DCXR: variants seen among roughly 807,000 people sequenced by gnomAD.
DCXR encodes the protein L-xylulose reductase.
DCXR carries 24 observed loss-of-function variants against 25.9 expected under a neutral mutation model. The ratio of observed to expected loss-of-function variants is 0.93; its 90% confidence interval spans 0.67 to 1.30. The LOEUF (loss-of-function observed/expected upper bound fraction) is 1.30, where lower values mean the gene tolerates loss of function less well. DCXR is among the 50% of genes most tolerant of loss of function. The pLI is 0.00. For synonymous variants in DCXR, 161 were observed against 141.7 expected (o/e 1.14, Z -0.97); for missense variants, 348 against 333.7 (o/e 1.04, Z -0.33).
At chr17:82,036,500 G>T (rs768538061) in intron 5 of DCXR, 44 bp downstream of exon 5, 1 of 1,612,730 alleles carries the variant, frequency 6.2e-7, no homozygotes, top group South Asian at 1.1e-5. Flanking sequence ...ATGAGGGCGA[G>T]GCTGGGGCTG....
At position 82,037,004 on chromosome 17, in the gene DCXR, T is replaced by C; in HGVS notation, c.160A>G (p.Ile54Val). The C allele has an allele frequency of 6.4e-7, 1 of 1,563,256 alleles. No homozygotes were observed. Among genetic ancestry groups the C allele is most frequent in the Non-Finnish European group, 8.7e-7 (1 of 1,154,604 alleles). ...LDSLVRECPG[I>V]EPVCVDLGDW... is the part of the protein sequence containing the mutation. ...CCCAGGTCCACGCACACGGGTTCTA[T>C]CCCCGGGCACTGTGTGTATCAGGGG... Residue 54 changes from isoleucine to valine, a missense_variant, in exon 3 of 8, where the codon ATA (isoleucine) becomes GTA (valine). Coordinates refer to ENST00000306869, the MANE Select transcript of DCXR (RefSeq NM_016286.4).
intron 2 of DCXR, chr17:82,037,245 C>T (rs2043503017): frequency 1.2e-6 from 1 of 838,238 alleles, no homozygotes; most frequent in South Asian, 1.8e-5. Flanking sequence ...TCTTTCTGAG[C>T]CCGGGGGCCC....
In DCXR at chr17:82,036,437, C is replaced by T; in HGVS notation, c.460G>A (p.Gly154Ser). 6.2e-7 allele frequency: 1 copy of T among 1,613,498 alleles called. No individual in the cohort carries two copies. The change falls in exon 6 of 8, where the codon GGT (glycine) becomes AGT (serine). Residue 154 changes from glycine (G) to serine (S), a missense_variant. Gly to Ser is a moderately conservative substitution (Grantham distance 56, BLOSUM62 0). Coordinates refer to ENST00000306869, the MANE Select transcript of DCXR (RefSeq NM_016286.4). ...TNHSVYCSTK[G>S]ALDMLTKVMA... ...ACCTTGGTCAGCATGTCCAGGGCAC[C>T]CTTGGTGGAGCCTACGAAGAGGAAC...
At position 82,036,924 on chromosome 17, in the gene DCXR, C is replaced by A; in HGVS notation, c.240G>T (p.Leu80=). The change falls in exon 3 of 8, where the codon CTG becomes CTT. Residue 80 remains leucine (L), a synonymous_variant. Transcript: ENST00000306869. ...GCAGGGCGACAGCGGCGTTGTTCAC[C>A]AGCAGGTCCACGGGGCCCACGCTGC... ...ALGSVGPVDL[L]VNNAAVALLQ... The A allele has an allele frequency of 6.2e-7, 1 of 1,612,424 alleles. No homozygotes were observed. The highest frequency in any genetic ancestry group is 1.1e-5 in the South Asian group (1 of 90,950).
Position 82,036,247 on chromosome 17 carries a change from C to A in DCXR, c.575G>T (p.Ser192Ile). 6.2e-7 allele frequency: 1 copy of A among 1,613,684 alleles called. No homozygotes were observed. ...CATAGTCTTGGCCTTGTGGGGGTCACTCCAGGTGGCCTGGCCCATGGACGT... is the reference window on the plus strand; with the variant it reads ...CATAGTCTTGGCCTTGTGGGGGTCAATCCAGGTGGCCTGGCCCATGGACGT... ...VMTSMGQATW[S>I]DPHKAKTMLN... Residue 192 changes from serine (S) to isoleucine (I), a missense_variant, in exon 7 of 8, where the codon AGT (serine) becomes ATT (isoleucine). Transcript: ENST00000306869.
chr17:82,035,969 C>T lies in DCXR; in HGVS notation c.726G>A (p.Trp242Ter), dbSNP rs769992223. Residue 242 changes from tryptophan to a stop codon, truncating the protein, a stop_gained, in exon 8 of 8, where the codon TGG (tryptophan) becomes TGA (stop). Coordinates refer to ENST00000306869, the MANE Select transcript of DCXR (RefSeq NM_016286.4). LOFTEE classifies it high-confidence loss of function. Reference protein sequence around the residue: ...GSTLPVEGGFWAC With the variant: ...GSTLPVEGGF ...GGTGTGTGGAGGGAGCTCAGCAGGC[C>T]CAGAAGCCCCCTTCCACCGGCAAAG... is the stretch of plus-strand genomic sequence containing the variant. 3.7e-6 allele frequency: 6 copies of T among 1,612,642 alleles called. No individual in the cohort carries two copies. The Admixed American group carries it at 1.0e-4, about 27-fold the overall frequency.
Position 82,036,701 on chromosome 17 carries a change from C to T in DCXR, c.348+20G>A. ...GGCATCACTCACGAGAATTCCCGTC[C>T]AGCCCACAGGGCAGCTCACCTGCGA... On this transcript the variant is annotated intron_variant, in intron 4 of 7. Transcript: ENST00000306869. 4 of 1,613,616 alleles carry T rather than the reference C, an allele frequency of 2.5e-6. No individual in the cohort carries two copies. The highest frequency in any genetic ancestry group is 3.4e-6 in the Non-Finnish European group (4 of 1,180,014).
intron 2 of DCXR, chr17:82,037,247 CG>C: frequency 9.5e-6 from 8 of 843,612 alleles, no homozygotes; most frequent in Non-Finnish European, 1.1e-5. Context: ...TTTCTGAGCC[CG>C]GGGGCCCCGG....
chr17:82,036,169 G>GCTGGGCTCCCACCTGACT (rs2043488904), intron 7 of DCXR, 22 bp downstream of exon 7: 2 of 1,611,404 alleles, frequency 1.2e-6, no homozygotes, highest in African/African-American at 2.7e-5. Flanking sequence ...CACCACGCTG[G>GCTGGGCTCCCACCTGACT]CTGGGCTCCC....
intron 3 of DCXR, 21 bp downstream of exon 3, chr17:82,036,838 C>T (rs2043496977): frequency 1.2e-6 from 2 of 1,613,446 alleles, no homozygotes; most frequent in Non-Finnish European, 1.7e-6. Flanking sequence ...CCCTGAGGTT[C>T]CTCCGCCCTC....
chr17:82,037,101 CAAGT>C (rs1813776896), intron 2 of DCXR, 88 bp from the exon 3 acceptor site: 11 of 1,507,516 alleles, frequency 7.3e-6, no homozygotes, highest in Middle Eastern at 2.3e-4. Context: ...TTCAGCCGGA[CAAGT>C]AAAGGAGTTA....
At position 82,037,414 on chromosome 17, in the gene DCXR, C is replaced by A. The variant is rs573308125; in HGVS notation, c.150+36G>T. The A allele has an allele frequency of 4.8e-5, 73 of 1,512,958 alleles. No individual in the cohort carries two copies. In the East Asian group the frequency reaches 1.8e-3, roughly 37 times the overall value. The allele number at this position is 1,512,958 out of a possible 1,614,324, so 93.7% of individuals were successfully genotyped here. ...CGCTCGCTGCCGCCCCCTCCTGGCT[C>A]GCCGCCTCGCAGCGCTGGGACCCGG... On this transcript the variant is annotated intron_variant, in intron 2 of 7. Coordinates refer to ENST00000306869, the MANE Select transcript of DCXR (RefSeq NM_016286.4).
In DCXR at chr17:82,037,659, G is replaced by A. The variant is rs61744795; in HGVS notation, c.24C>T (p.Arg8=). 5,905 of 1,590,962 alleles carry A rather than the reference G, an allele frequency of 3.7e-3. 197 individuals carry two copies. In the African/African-American group the frequency reaches 0.071, roughly 19 times the overall value. MELFLAG[R]RVLVTGAGKG... ...TGCCTGCCCCGGTGACCAGCACCCG[G>A]CGGCCCGCGAGGAACAGCTCCATGT... Residue 8 remains arginine (R), a synonymous_variant, in exon 1 of 8, where the codon CGC becomes CGT. Transcript: ENST00000306869.
rs2144167815 is a variant in DCXR, at chr17:82,036,247, C to T, written c.575G>A (p.Ser192Asn). The T allele has an allele frequency of 2.5e-6, 4 of 1,613,684 alleles. No homozygotes were observed. The highest frequency in any genetic ancestry group is 3.4e-6 in the Non-Finnish European group (4 of 1,180,020). ...VMTSMGQATW[S>N]DPHKAKTMLN... The stretch of plus-strand genomic sequence containing the variant: ...CATAGTCTTGGCCTTGTGGGGGTCA[C>T]TCCAGGTGGCCTGGCCCATGGACGT... Residue 192 changes from serine (S) to asparagine (N), a missense_variant, in exon 7 of 8, where the codon AGT becomes AAT. By Grantham distance (46) the Ser-to-Asn change is conservative (BLOSUM62 1). Transcript: ENST00000306869.
In DCXR at chr17:82,036,761, G is replaced by A; in HGVS notation, c.308C>T (p.Ser103Phe). The A allele has an allele frequency of 6.2e-7, 1 of 1,613,622 alleles. No homozygotes were observed. Among genetic ancestry groups the A allele is most frequent in the South Asian group, 1.1e-5 (1 of 91,088 alleles). The change falls in exon 4 of 8, where the codon TCC (serine) becomes TTC (phenylalanine). Residue 103 changes from serine to phenylalanine, a missense_variant and splice_region_variant. Physicochemically the swap from Ser to Phe is radical, Grantham distance 155. Coordinates refer to ENST00000306869, the MANE Select transcript of DCXR (RefSeq NM_016286.4). ...LEVTKEAFDRSFEVNLRAVIQ... is the reference protein window; with the variant it reads ...LEVTKEAFDRFFEVNLRAVIQ... ...GACCGCACGCAGGTTCACCTCAAAG[G>A]ATCTAGAGGCCGAGGGACAGACCCT...
At chr17:82,037,230 C>T (rs2043502870) in intron 2 of DCXR, 3 of 834,582 alleles carry the variant, frequency 3.6e-6, no homozygotes, top group Admixed American at 5.8e-5. Flanking sequence ...GCAGCCATTT[C>T]GGCCTCTTTC....
At position 82,036,601 on chromosome 17, in the gene DCXR, T is replaced by C. The variant is rs1334725431; in HGVS notation, c.391A>G (p.Ile131Val). The C allele has an allele frequency of 1.2e-6, 2 of 1,613,134 alleles. No homozygotes were observed. Among genetic ancestry groups the C allele is most frequent in the Admixed American group, 1.7e-5 (1 of 60,022 alleles). Reference sequence around the variant, plus strand: ...GAGCACTGGCTGGAGACATTCACGATGGCCCCTGGGACTCCCCGGGCTATT... The same window carrying C: ...GAGCACTGGCTGGAGACATTCACGACGGCCCCTGGGACTCCCCGGGCTATT... ...GLIARGVPGA[I>V]VNVSSQCSQR... Residue 131 changes from isoleucine (I) to valine (V), a missense_variant, in exon 5 of 8, where the codon ATC becomes GTC. Coordinates refer to ENST00000306869, the MANE Select transcript of DCXR (RefSeq NM_016286.4).
Position 82,035,869 on chromosome 17 carries a change from T to TAGCA in DCXR, c.*87_*90dup. On this transcript the variant is annotated 3_prime_UTR_variant, in exon 8 of 8. Coordinates refer to ENST00000306869, the MANE Select transcript of DCXR (RefSeq NM_016286.4). The stretch of plus-strand genomic sequence containing the variant: ...CAGCTACCTGCTGGCAGCCTAGGAA[T>TAGCA]AGCACATAGTCTGGGCAGCAGAATC... 5 of 1,191,792 alleles carry TAGCA rather than the reference T, an allele frequency of 4.2e-6. No individual in the cohort carries two copies. Among genetic ancestry groups the TAGCA allele is most frequent in the Non-Finnish European group, 6.1e-6 (5 of 817,676 alleles). 73.8% of individuals were successfully genotyped at this position (1,191,792 alleles called of 1,614,324 possible). A position where few individuals can be genotyped will look rare whatever the true frequency, so the allele number is the denominator to read the frequency against.
Position 82,037,677 on chromosome 17 carries a change from C to G in DCXR, c.6G>C (p.Glu2Asp), listed in dbSNP as rs1157308235. The G allele has an allele frequency of 6.3e-7, 1 of 1,591,218 alleles. No homozygotes were observed. Among genetic ancestry groups the G allele is most frequent in the Non-Finnish European group, 8.5e-7 (1 of 1,176,414 alleles). The change falls in exon 1 of 8, where the codon GAG becomes GAC. Residue 2 changes from glutamate to aspartate, a missense_variant. Coordinates refer to ENST00000306869, the MANE Select transcript of DCXR (RefSeq NM_016286.4). Reference protein sequence around the residue: MELFLAGRRVLV... With the variant: MDLFLAGRRVLV... ...GCACCCGGCGGCCCGCGAGGAACAG[C>G]TCCATGTCGGCGCAGTCTCCGCCCT...
Sources: allele counts gnomAD v4.1 joint callset, GRCh38; gene constraint gnomAD v4.1.1; transcripts MANE v1.5; gene names NCBI Gene and HGNC (gene_info 2026-07-23, HGNC 2026-07-21).